CHCHD6: variants seen among roughly 807,000 people sequenced by gnomAD.
CHCHD6 encodes the protein MICOS complex subunit MIC25.
A neutral mutation model predicts 32.3 loss-of-function variants in CHCHD6; 28 were observed. The ratio of observed to expected loss-of-function variants is 0.87; its 90% CI spans 0.64 to 1.19. The LOEUF is 1.19. Ranked by LOEUF, CHCHD6 falls within the 50% of genes most tolerant of loss-of-function variation. The pLI is 0.00. For synonymous variants in CHCHD6, 122 were observed against 117.5 expected, an observed-to-expected ratio of 1.04 and a Z score of -0.25; for missense variants, 333 against 307.0, an observed-to-expected ratio of 1.08 and a Z score of -0.63.
intron 3 of CHCHD6, among the ~76,000 whole-genome samples, chr3:126,730,849 C>T (rs1935764231): frequency 6.6e-6 from 1 of 152,050 alleles, no homozygotes; most frequent in Non-Finnish European, 1.5e-5. Context: ...TGTTAATGTT[C>T]CTCATGCCCA....
chr3:126,900,838 A>T (rs112359736), intron 5 of CHCHD6, among the ~76,000 whole-genome samples: 1 of 152,192 alleles, frequency 6.6e-6, no homozygotes, highest in East Asian at 1.9e-4. Context: ...ACCTGAACTC[A>T]GGTGATCCTA....
At chr3:126,842,578 A>G (rs1941135882) in intron 4 of CHCHD6, among the ~76,000 whole-genome samples, 1 of 152,152 alleles carries the variant, frequency 6.6e-6, no homozygotes, top group African/African-American at 2.4e-5. Flanking sequence ...CTTAATCTGA[A>G]TCCTATTTTA....
At chr3:126,743,077 G>A (rs751324287) in intron 4 of CHCHD6, among the ~76,000 whole-genome samples, 7 of 152,054 alleles carry the variant, frequency 4.6e-5, no homozygotes, top group Non-Finnish European at 8.8e-5. Context: ...AAGGTGAAAC[G>A]CAGTCTCTAG....
chr3:126,758,606 G>A (rs1158740880), intron 4 of CHCHD6, among the ~76,000 whole-genome samples: 1 of 152,204 alleles, frequency 6.6e-6, no homozygotes, highest in African/African-American at 2.4e-5. Flanking sequence ...AATGGGTTTT[G>A]TGTCTATTAA....
chr3:126,745,538 A>G (rs143383310), intron 4 of CHCHD6, among the ~76,000 whole-genome samples: 2 of 152,324 alleles, frequency 1.3e-5, no homozygotes, highest in Non-Finnish European at 2.9e-5. Context: ...CGGGTGACTA[A>G]TAGAGTCTAA....
intron 6 of CHCHD6, among the ~76,000 whole-genome samples, chr3:126,950,883 G>A (rs4679311): frequency 0.6 from 91,250 of 152,174 alleles, 28,818 homozygotes; most frequent in Non-Finnish European, 0.71. Flanking sequence ...TGGGAAGGGA[G>A]TGATGCAGAA....
rs377223805 is a variant in CHCHD6 at position 126,865,415 on chromosome 3, A to G, written c.495+12685A>G. ...CTCCACCTCTGCAGCCTCCACCACA[A>G]CCACCACTGCCACCTCTACCCTCCA... On this transcript the variant is annotated intron_variant, in intron 5 of 7. Coordinates refer to ENST00000290913, the MANE Select transcript of CHCHD6 (RefSeq NM_032343.3). 657 of 234,980 alleles carry G rather than the reference A, an allele frequency of 2.8e-3. 10 individuals are homozygous for G. The highest frequency in any genetic ancestry group is 0.015 in the African/African-American group (610 of 42,066). The allele number at this position is 234,980 out of a possible 1,614,324, so 14.6% of individuals were successfully genotyped here.
chr3:126,789,193 G>T lies in CHCHD6; in HGVS notation c.411+55971G>T, dbSNP rs202184536. ...TGCACTGTGGTCTGAGAGACAGTTT[G>T]TTATAATTTCTGTTCTTTTACATTT... is the stretch of plus-strand genomic sequence containing the variant. On this transcript the variant is annotated intron_variant, in intron 4 of 7. Transcript: ENST00000290913. 6.1e-3 allele frequency among the ~76,000 whole-genome samples: 932 copies of T among 152,296 alleles called. 27 individuals carry two copies. The highest frequency in any genetic ancestry group is 0.049 in the Admixed American group (750 of 15,290).
At chr3:126,828,123 C>A (rs530935284) in intron 4 of CHCHD6, among the ~76,000 whole-genome samples, 2 of 152,260 alleles carry the variant, frequency 1.3e-5, no homozygotes, top group African/African-American at 4.8e-5. Context: ...CGATTGGGCT[C>A]CCCAAGCTTA....
intron 1 of CHCHD6, among the ~76,000 whole-genome samples, chr3:126,704,629 G>C (rs1044553829): frequency 6.6e-6 from 1 of 152,146 alleles, no homozygotes; most frequent in Non-Finnish European, 1.5e-5. Context: ...AACTGTACAG[G>C]TGCGAGGCCC....
At chr3:126,938,437 G>A (rs1230822097) in intron 6 of CHCHD6, among the ~76,000 whole-genome samples, 8 of 152,204 alleles carry the variant, frequency 5.3e-5, no homozygotes, top group Admixed American at 1.3e-4. Context: ...GAGTGTGTAC[G>A]TGACGCAGTA....
At chr3:126,798,735 A>G (rs1938922004) in intron 4 of CHCHD6, among the ~76,000 whole-genome samples, 1 of 152,146 alleles carries the variant, frequency 6.6e-6, no homozygotes, top group Admixed American at 6.5e-5. Context: ...AGTCACAGAT[A>G]GCCAGCTGCC....
intron 5 of CHCHD6, among the ~76,000 whole-genome samples, chr3:126,907,984 A>G (rs2078029854): frequency 6.6e-6 from 1 of 152,072 alleles, no homozygotes; most frequent in East Asian, 1.9e-4. Flanking sequence ...CCAGAGTAGG[A>G]CCCGTTGCCT....
chr3:126,780,796 G>A (rs936721927), intron 4 of CHCHD6, among the ~76,000 whole-genome samples: 2 of 152,164 alleles, frequency 1.3e-5, no homozygotes, highest in African/African-American at 4.8e-5. Context: ...ACTATCAGAG[G>A]CTTAACAGCC....
intron 6 of CHCHD6, among the ~76,000 whole-genome samples, chr3:126,929,539 T>A (rs2078372638): frequency 6.6e-6 from 1 of 151,808 alleles, no homozygotes; most frequent in Non-Finnish European, 1.5e-5. Flanking sequence ...TATTTGAATA[T>A]ATAGATTCTG....
chr3:126,921,870 A>C lies in CHCHD6; in HGVS notation c.566+7120A>C, dbSNP rs149647171. 5.1e-3 allele frequency among the ~76,000 whole-genome samples: 779 copies of C among 152,362 alleles called. 2 individuals carry two copies. The highest frequency in any genetic ancestry group is 8.1e-3 in the Non-Finnish European group (550 of 68,032). Reference sequence around the variant, plus strand: ...GAGCTTCCCCAGTTTGTATTTATTTAGTGAGCTAATGACAGATGACCTATT... The same window carrying C: ...GAGCTTCCCCAGTTTGTATTTATTTCGTGAGCTAATGACAGATGACCTATT... On this transcript the variant is annotated intron_variant, in intron 6 of 7. Coordinates refer to ENST00000290913, the MANE Select transcript of CHCHD6 (RefSeq NM_032343.3).
chr3:126,743,716 T>A lies in CHCHD6; in HGVS notation c.411+10494T>A, dbSNP rs1198119773. Among the ~76,000 whole-genome samples the A allele has an allele frequency of 2.0e-5, 3 of 152,128 alleles. No homozygotes were observed. The East Asian group carries it at 5.8e-4, about 29-fold the overall frequency. On this transcript the variant is annotated intron_variant, in intron 4 of 7. Transcript: ENST00000290913. ...CAGAGCAGCAGGGTTCCTTGAAAAT[T>A]GCACCAACTGGAGGGGTGATCTGAG...
intron 4 of CHCHD6, among the ~76,000 whole-genome samples, chr3:126,814,557 A>C (rs909406524): frequency 6.6e-6 from 1 of 152,212 alleles, no homozygotes; most frequent in African/African-American, 2.4e-5. Flanking sequence ...CATGCCTATG[A>C]AATGATGCCT....
chr3:126,868,622 T>C (rs930381273), intron 5 of CHCHD6, among the ~76,000 whole-genome samples: 1 of 152,170 alleles, frequency 6.6e-6, no homozygotes. Flanking sequence ...TCTGCTATGG[T>C]AAAATTTGTA....
Sources: allele counts gnomAD v4.1 joint callset (sites outside exome capture counted in the v4.1 genomes callset), GRCh38; gene constraint gnomAD v4.1.1; transcripts MANE v1.5; gene names NCBI Gene and HGNC (gene_info 2026-07-23, HGNC 2026-07-21).